Variants in PPFIA2 observed in about 807,000 individuals in gnomAD.
PPFIA2 encodes PPFI scaffold protein A2.
Under a neutral mutation model 175.5 loss-of-function variants are expected in PPFIA2, and 46 were observed. The ratio of observed to expected loss-of-function variants is 0.26; its 90% CI spans 0.21 to 0.34. PPFIA2 has a LOEUF of 0.34. Among genes scored for constraint, PPFIA2 ranks in the 10% least tolerant of loss-of-function variants. The pLI, the probability that PPFIA2 is intolerant of heterozygous loss-of-function variation, is 1.00. For missense variants in PPFIA2, 1,179 were observed against 1,506.1 expected (o/e 0.78, Z 3.60); for synonymous variants, 568 against 511.4 (o/e 1.11, Z -1.49).
At position 81,317,518 on chromosome 12, in the gene PPFIA2, T is replaced by TA. The variant is rs202064449; in HGVS notation, c.2642+8258dup. Among the ~76,000 whole-genome samples the TA allele has an allele frequency of 5.2e-3, 780 of 150,848 alleles. 7 individuals carry two copies. The highest frequency in any genetic ancestry group is 0.016 in the African/African-American group (642 of 41,268). ...ATCAACAGATTTGAGAGATTTTTTTTAAAAAATGCAATTGACTACATTTGG... is the reference window on the plus strand; with the variant it reads ...ATCAACAGATTTGAGAGATTTTTTTTAAAAAAATGCAATTGACTACATTTGG... On this transcript the variant is annotated intron_variant, in intron 22 of 32. Transcript: ENST00000549396.
chr12:81,746,880 G>A (rs1469501550), intron 3 of PPFIA2, among the ~76,000 whole-genome samples: 2 of 143,576 alleles, frequency 1.4e-5, no homozygotes, highest in African/African-American at 2.4e-5. Context: ...TACTAGCCTA[G>A]AAAGGGAATG....
At chr12:81,484,466 T>C (rs1386843339) in intron 4 of PPFIA2, among the ~76,000 whole-genome samples, 1 of 152,020 alleles carries the variant, frequency 6.6e-6, no homozygotes. Flanking sequence ...CTCAAAGATA[T>C]TAATATTTTC....
chr12:81,634,732 T>C (rs2063790062), intron 4 of PPFIA2, among the ~76,000 whole-genome samples: 1 of 152,074 alleles, frequency 6.6e-6, no homozygotes, highest in Non-Finnish European at 1.5e-5. Context: ...GCTTCAACCA[T>C]TAAACATAAT....
At chr12:81,590,202 T>A (rs1253430668) in intron 4 of PPFIA2, among the ~76,000 whole-genome samples, 1 of 152,162 alleles carries the variant, frequency 6.6e-6, no homozygotes, top group Admixed American at 6.6e-5. Flanking sequence ...TGTTACTTTG[T>A]CTTCATTAAT....
At chr12:81,710,618 T>G (rs2077768453) in intron 3 of PPFIA2, among the ~76,000 whole-genome samples, 1 of 152,068 alleles carries the variant, frequency 6.6e-6, no homozygotes, top group African/African-American at 2.4e-5. Flanking sequence ...ATATACATAA[T>G]GAGATATCTG....
At chr12:81,494,769 A>G (rs1473409467) in intron 4 of PPFIA2, among the ~76,000 whole-genome samples, 14 of 152,024 alleles carry the variant, frequency 9.2e-5, no homozygotes, top group Non-Finnish European at 2.1e-4. Context: ...CAGCCATAAA[A>G]AAGGATGAGT....
chr12:81,353,016 A>G, intron 17 of PPFIA2, 103 bp downstream of exon 17: 1 of 980,620 alleles, frequency 1.0e-6, no homozygotes, highest in Non-Finnish European at 1.6e-6. Context: ...CAGATCTATT[A>G]AGCTCCCAGT....
chr12:81,692,113 C>CACACACACACAT (rs1310938868), intron 3 of PPFIA2, among the ~76,000 whole-genome samples: 4 of 149,814 alleles, frequency 2.7e-5, no homozygotes, highest in African/African-American at 9.8e-5. Context: ...AACACAGACA[C>CACACACACACAT]ACACACACAC....
At chr12:81,306,444 T>A (rs548109240) in intron 22 of PPFIA2, among the ~76,000 whole-genome samples, 11 of 152,170 alleles carry the variant, frequency 7.2e-5, no homozygotes, top group African/African-American at 2.6e-4. Context: ...AAAATATGTG[T>A]AATATGATTA....
In PPFIA2 at chr12:81,287,489, A is replaced by C. The variant is rs143702764; in HGVS notation, c.2926-3186T>G. Among the ~76,000 whole-genome samples, 561 of 152,008 alleles carry C rather than the reference A, an allele frequency of 3.7e-3. 3 individuals carry two copies. Among genetic ancestry groups the C allele is most frequent in the African/African-American group, 0.013 (541 of 41,522 alleles). ...TCTGAAGTATGACTGGCAAACTTTC[A>C]GAAGTTGTATGTTAGTTGTTTCTGT... On this transcript the variant is annotated intron_variant, in intron 24 of 32. Transcript: ENST00000549396.
At chr12:81,501,564 C>T (rs1392166066) in intron 4 of PPFIA2, among the ~76,000 whole-genome samples, 3 of 151,990 alleles carry the variant, frequency 2.0e-5, no homozygotes, top group Non-Finnish European at 4.4e-5. Flanking sequence ...TACTAGATTA[C>T]CAAAACACAT....
chr12:81,677,516 T>A (rs1387163363), intron 3 of PPFIA2, among the ~76,000 whole-genome samples: 1 of 151,948 alleles, frequency 6.6e-6, no homozygotes, highest in African/African-American at 2.4e-5. Context: ...GCCTTCCCAG[T>A]CTGTGGTAAC....
chr12:81,697,242 T>C (rs772851680), intron 3 of PPFIA2, among the ~76,000 whole-genome samples: 1 of 152,140 alleles, frequency 6.6e-6, no homozygotes, highest in Non-Finnish European at 1.5e-5. Flanking sequence ...AGTGACATAT[T>C]TCTCAGTAAA....
intron 4 of PPFIA2, among the ~76,000 whole-genome samples, chr12:81,487,421 T>C (rs192616466): frequency 6.6e-6 from 1 of 152,040 alleles, no homozygotes; most frequent in East Asian, 1.9e-4. Flanking sequence ...CTTAACTAAG[T>C]TATTCAGGTT....
At chr12:81,674,673 AT>A (rs990240676) in intron 4 of PPFIA2, among the ~76,000 whole-genome samples, 10 of 151,708 alleles carry the variant, frequency 6.6e-5, no homozygotes, top group South Asian at 2.1e-4. Context: ...TCTCAAAAAA[AT>A]TTTTTTTTAA....
intron 4 of PPFIA2, among the ~76,000 whole-genome samples, chr12:81,665,853 G>T (rs1227595319): frequency 6.6e-6 from 1 of 151,894 alleles, no homozygotes; most frequent in Non-Finnish European, 1.5e-5. Flanking sequence ...GAAAATTTTT[G>T]CAATCTACTC....
At chr12:81,615,897 A>C (rs187323560) in intron 4 of PPFIA2, among the ~76,000 whole-genome samples, 28 of 152,294 alleles carry the variant, frequency 1.8e-4, no homozygotes, top group African/African-American at 6.0e-4. Context: ...ATGTAGGATG[A>C]AAAGTGGATA....
At chr12:81,433,129 C>T (rs1054053472) in intron 7 of PPFIA2, among the ~76,000 whole-genome samples, 2 of 152,036 alleles carry the variant, frequency 1.3e-5, no homozygotes, top group African/African-American at 4.8e-5. Context: ...TGGATCCCAT[C>T]AACCTCTTTA....
At position 81,451,274 on chromosome 12, in the gene PPFIA2, G is replaced by A. The variant is rs542190922; in HGVS notation, c.406-5554C>T. Among the ~76,000 whole-genome samples, 5 of 152,008 alleles carry A rather than the reference G, an allele frequency of 3.3e-5. No homozygotes were observed. In the South Asian group the frequency reaches 1.0e-3, roughly 32 times the overall value. ...ATCCCCATTTTCTACCCCTCCCCCT[G>A]ACTGTTTGATAGTTCCTCACAATCC... On this transcript the variant is annotated intron_variant, in intron 5 of 32. Transcript: ENST00000549396.
Sources: gnomAD v4.1 joint callset for allele counts (sites outside exome capture counted in the v4.1 genomes callset) on GRCh38, gnomAD v4.1.1 for gene constraint, MANE v1.5 for transcripts, NCBI Gene and HGNC (gene_info 2026-07-23, HGNC 2026-07-21) for gene names.